The following NALF2 variants were observed in gnomAD, a reference collection of about 807,000 sequenced individuals.
NALF2 encodes the protein NALCN channel auxiliary factor 2, also known as bB57D9.1 (TED protein).
Under a neutral mutation model 24.8 loss-of-function variants are expected in NALF2, and 1 was observed. That is an observed-to-expected ratio of 0.04 (90% CI 0.01 to 0.19). NALF2 has a LOEUF of 0.19. Ranked by LOEUF, NALF2 falls within the 10% of genes least tolerant of loss-of-function variation. NALF2 has a pLI of 1.00. For synonymous variants in NALF2, 254 were observed against 189.8 expected (o/e 1.34, Z -2.78); for missense variants, 458 against 409.6 (o/e 1.12, Z -1.02).
chrX:69,521,472 G>T (rs943619708), intron 1 of NALF2, among the ~76,000 whole-genome samples: 3 of 111,319 alleles, frequency 2.7e-5, no homozygotes, highest in African/African-American at 9.8e-5. Flanking sequence ...ATTGTAAGTT[G>T]AGAGTATCTT....
chrX:69,506,258 G>T lies in NALF2; in HGVS notation c.861+115G>T, dbSNP rs901263891. The stretch of plus-strand genomic sequence containing the variant: ...CTACCCACCCCACCACTCCCACCGT[G>T]CCCAGTGCAGCACTACCAGTGCCAC... On this transcript the variant is annotated intron_variant, in intron 1 of 2. Coordinates refer to ENST00000252338, the MANE Select transcript of NALF2 (RefSeq NM_015686.3). 6.0e-6 allele frequency: 5 copies of T among 827,522 alleles called. No individual in the cohort carries two copies. In the African/African-American group the frequency reaches 6.3e-5, roughly 10 times the overall value. The allele number at this position is 827,522 out of a possible 1,213,427, so 68.2% of individuals were successfully genotyped here. A position where few individuals can be genotyped will look rare whatever the true frequency, so the allele number is the denominator to read the frequency against.
chrX:69,504,367 C>T lies in NALF2; in HGVS notation c.-916C>T, dbSNP rs1013490433. On this transcript the variant is annotated 5_prime_UTR_variant, in exon 1 of 3. Transcript: ENST00000252338. ...CTCCTCTCCGTGCCTCTTTCTCCGC[C>T]CTGCTCCCCGCCAAACACACTTGCA... 8.8e-6 allele frequency among the ~76,000 whole-genome samples: 1 copy of T among 113,009 alleles called. No homozygotes were observed.
intron 1 of NALF2, among the ~76,000 whole-genome samples, chrX:69,510,029 CA>C (rs753846709): frequency 2.0e-4 from 22 of 111,890 alleles, no homozygotes; most frequent in African/African-American, 7.1e-4. Context: ...TTCTTCCTTT[CA>C]AAAAAGGAAC....
At chrX:69,510,627 G>A (rs1330896292) in intron 1 of NALF2, among the ~76,000 whole-genome samples, 1 of 111,766 alleles carries the variant, frequency 8.9e-6, no homozygotes, top group African/African-American at 3.3e-5. Flanking sequence ...CCCTGTTTGG[G>A]GGTAGAGGAA....
chrX:69,506,142 A>C lies in NALF2; in HGVS notation c.860A>C (p.Lys287Thr). 8.3e-7 allele frequency: 1 copy of C among 1,202,640 alleles called. No homozygotes were observed. The highest frequency in any genetic ancestry group is 1.1e-6 in the Non-Finnish European group (1 of 891,195). ...YSIRSCTKGC[K>T]AVYKAWLCSE... ...ATCCGGTCCTGCACGAAAGGCTGTAAGGTAAGGACTGGCTTCCGCAGCCAC... is the reference window on the plus strand; with the variant it reads ...ATCCGGTCCTGCACGAAAGGCTGTACGGTAAGGACTGGCTTCCGCAGCCAC... Residue 287 changes from lysine (K) to threonine (T), a missense_variant and splice_region_variant, in exon 1 of 3, where the codon AAG (lysine) becomes ACG (threonine). Lys to Thr is a moderately conservative substitution (Grantham distance 78, BLOSUM62 -1). Coordinates refer to ENST00000252338, the MANE Select transcript of NALF2 (RefSeq NM_015686.3).
At chrX:69,515,484 C>T (rs1163820282) in intron 1 of NALF2, among the ~76,000 whole-genome samples, 1 of 112,447 alleles carries the variant, frequency 8.9e-6, no homozygotes, top group Non-Finnish European at 1.9e-5. Context: ...CTAGTTTATA[C>T]CCTCACCAAA....
Position 69,532,019 on chromosome X carries a change from C to T in NALF2, c.*2063C>T, listed in dbSNP as rs886506373. On this transcript the variant is annotated 3_prime_UTR_variant, in exon 3 of 3. Transcript: ENST00000252338. The stretch of plus-strand genomic sequence containing the variant: ...AACCATATGGCCCCAGGGAATGGAC[C>T]CTTGGAGACTCCCATCCTCTCTTCC... The T allele has an allele frequency of 2.0e-4, 22 of 112,318 alleles. 1 individual carries two copies. Among genetic ancestry groups the T allele is most frequent in the African/African-American group, 6.2e-4 (19 of 30,806 alleles). The allele number at this position is 112,318 out of a possible 1,213,427, so 9.3% of individuals were successfully genotyped here.
Position 69,505,957 on chromosome X carries a change from G to C in NALF2, c.675G>C (p.Met225Ile), listed in dbSNP as rs758991107. ...DSLDCSLDTL[M>I]GDLLAVVASP... is the part of the protein sequence containing the mutation. ...TGGACTGTAGCCTGGACACCCTGAT[G>C]GGGGACCTGCTGGCCGTGGTGGCCA... Residue 225 changes from methionine (M) to isoleucine (I), a missense_variant, in exon 1 of 3, where the codon ATG becomes ATC. Transcript: ENST00000252338. 8.3e-7 allele frequency: 1 copy of C among 1,212,005 alleles called. No individual in the cohort carries two copies. The highest frequency in any genetic ancestry group is 1.1e-6 in the Non-Finnish European group (1 of 895,509).
intron 1 of NALF2, among the ~76,000 whole-genome samples, chrX:69,511,501 C>T (rs1930582934): frequency 8.9e-6 from 1 of 112,033 alleles, no homozygotes; most frequent in African/African-American, 3.2e-5. Context: ...TGTGTGCATG[C>T]ACACACAGAC....
Position 69,505,268 on chromosome X carries a change from G to C in NALF2, c.-15G>C. 1 of 1,135,706 alleles carries C rather than the reference G, an allele frequency of 8.8e-7. No homozygotes were observed. The highest frequency in any genetic ancestry group is 2.0e-5 in the South Asian group (1 of 49,115). The allele number at this position is 1,135,706 out of a possible 1,213,427, so 93.6% of individuals were successfully genotyped here. On this transcript the variant is annotated 5_prime_UTR_variant, in exon 1 of 3. Transcript: ENST00000252338. ...CGCGCCTGCCTGTTCCCTCCAGCCC[G>C]GACCCCCCTGAAATATGTTCAGGGG...
At position 69,505,361 on chromosome X, in the gene NALF2, C is replaced by T. The variant is rs1393128434; in HGVS notation, c.79C>T (p.Pro27Ser). 3 of 1,157,662 alleles carry T rather than the reference C, an allele frequency of 2.6e-6. No individual in the cohort carries two copies. Among genetic ancestry groups the T allele is most frequent in the Admixed American group, 2.7e-5 (1 of 37,598 alleles). The change falls in exon 1 of 3, where the codon CCC becomes TCC. Residue 27 changes from proline (P) to serine (S), a missense_variant. Coordinates refer to ENST00000252338, the MANE Select transcript of NALF2 (RefSeq NM_015686.3). ...CTGCTGCTGCTGCTGCTGCTGGGCT[C>T]CCAGGCCGAGCGACAAACCTTGCGC... ...TICCCCCCWA[P>S]RPSDKPCADS...
chrX:69,530,957 A>G lies in NALF2; in HGVS notation c.*1001A>G, dbSNP rs1270798678. Reference sequence around the variant, plus strand: ...AAAGACATTTCCATTTCCGATCTCCATGGGGAGGAGGGACTTAAGCCCAAG... The same window carrying G: ...AAAGACATTTCCATTTCCGATCTCCGTGGGGAGGAGGGACTTAAGCCCAAG... On this transcript the variant is annotated 3_prime_UTR_variant, in exon 3 of 3. Transcript: ENST00000252338. 1 of 112,855 alleles carries G rather than the reference A, an allele frequency of 8.9e-6. No individual in the cohort carries two copies. The highest frequency in any genetic ancestry group is 1.9e-5 in the Non-Finnish European group (1 of 53,219). The allele number at this position is 112,855 out of a possible 1,213,427, so 9.3% of individuals were successfully genotyped here. A position where few individuals can be genotyped will look rare whatever the true frequency, so the allele number is the denominator to read the frequency against.
In NALF2 at chrX:69,506,052, C is replaced by T; in HGVS notation, c.770C>T (p.Ala257Val). The T allele has an allele frequency of 8.3e-7, 1 of 1,210,178 alleles. No individual in the cohort carries two copies. The highest frequency in any genetic ancestry group is 3.0e-5 in the East Asian group (1 of 33,771). The change falls in exon 1 of 3, where the codon GCT becomes GTT. Residue 257 changes from alanine to valine, a missense_variant. Ala to Val is a moderately conservative substitution (Grantham distance 64). Coordinates refer to ENST00000252338, the MANE Select transcript of NALF2 (RefSeq NM_015686.3). ...IEAYQRLDRHAQEKYDEFDLV... is the reference protein window; with the variant it reads ...IEAYQRLDRHVQEKYDEFDLV... ...GCGTACCAGCGGCTGGACCGACACG[C>T]TCAGGAAAAATATGACGAGTTCGAC...
rs1930869800 is a variant in NALF2 at position 69,529,763 on chromosome X, G to A, written c.1226G>A (p.Gly409Asp). Residue 409 changes from glycine (G) to aspartate (D), a missense_variant, in exon 3 of 3, where the codon GGC becomes GAC. By Grantham distance (94) the Gly-to-Asp change is moderately conservative (BLOSUM62 -1). Transcript: ENST00000252338. Reference sequence around the variant, plus strand: ...TACCACCCCCATCATGATCCCCCAGGCCGTGTCAGCAACAAGCCCGCCCTG... The same window carrying A: ...TACCACCCCCATCATGATCCCCCAGACCGTGTCAGCAACAAGCCCGCCCTG... ...HHYHPHHDPPGRVSNKPALLP... is the reference protein window; with the variant it reads ...HHYHPHHDPPDRVSNKPALLP... 1.7e-6 allele frequency: 2 copies of A among 1,209,364 alleles called. No homozygotes were observed. Among genetic ancestry groups the A allele is most frequent in the Non-Finnish European group, 2.2e-6 (2 of 894,938 alleles).
intron 1 of NALF2, among the ~76,000 whole-genome samples, chrX:69,513,411 T>C (rs1316662716): frequency 8.9e-6 from 1 of 112,344 alleles, no homozygotes; most frequent in Non-Finnish European, 1.9e-5. Flanking sequence ...CTTGAACACC[T>C]AGGCTTTTCT....
rs757898710 is a variant in NALF2 at position 69,505,270 on chromosome X, AC to A, written c.-7del. The A allele has an allele frequency of 3.5e-6, 4 of 1,133,341 alleles. No individual in the cohort carries two copies. In the South Asian group the frequency reaches 8.2e-5, roughly 23 times the overall value. The allele number at this position is 1,133,341 out of a possible 1,213,427, so 93.4% of individuals were successfully genotyped here. On this transcript the variant is annotated 5_prime_UTR_variant, in exon 1 of 3. Transcript: ENST00000252338. The stretch of plus-strand genomic sequence containing the variant: ...CGCCTGCCTGTTCCCTCCAGCCCGG[AC>A]CCCCCTGAAATATGTTCAGGGGCGC...
chrX:69,516,100 G>C (rs1930657519), intron 1 of NALF2, among the ~76,000 whole-genome samples: 1 of 112,157 alleles, frequency 8.9e-6, no homozygotes, highest in Non-Finnish European at 1.9e-5. Context: ...GAAAAGTAAG[G>C]GTAGGTACTT....
chrX:69,519,715 A>G (rs5936696), intron 1 of NALF2, among the ~76,000 whole-genome samples: 15,766 of 112,183 alleles, frequency 0.14, 1,015 homozygotes, highest in Middle Eastern at 0.39. Flanking sequence ...AATGTGAACA[A>G]CCAGGCTAAC....
intron 1 of NALF2, among the ~76,000 whole-genome samples, chrX:69,519,723 A>C (rs1930708625): frequency 8.9e-6 from 1 of 112,590 alleles, no homozygotes; most frequent in Non-Finnish European, 1.9e-5. Context: ...CAACCAGGCT[A>C]ACAGAGGACT....
Sources: gnomAD v4.1 joint callset for allele counts (sites outside exome capture counted in the v4.1 genomes callset) on GRCh38, gnomAD v4.1.1 for gene constraint, MANE v1.5 for transcripts, NCBI Gene and HGNC (gene_info 2026-07-23, HGNC 2026-07-21) for gene names.